Variants in SPRED1 observed in about 807,000 individuals in gnomAD.
SPRED1 encodes the protein sprouty related EVH1 domain containing 1.
Under a neutral mutation model 52.3 loss-of-function variants are expected in SPRED1, and 18 were observed. The observed-to-expected ratio is 0.34, with a 90% CI of 0.24 to 0.51. The LOEUF (loss-of-function observed/expected upper bound fraction) is 0.51, where lower values mean the gene tolerates loss of function less well. SPRED1 is among the 20% of genes least tolerant of loss of function. SPRED1 has a pLI of 0.97. For missense variants in SPRED1, 485 were observed against 551.0 expected, an observed-to-expected ratio of 0.88 and a Z score of 1.20; for synonymous variants, 155 against 179.7, an observed-to-expected ratio of 0.86 and a Z score of 1.10.
chr15:38,322,009 G>A (rs907313173), intron 2 of SPRED1, among the ~76,000 whole-genome samples: 2 of 152,146 alleles, frequency 1.3e-5, no homozygotes, highest in Admixed American at 6.5e-5. Flanking sequence ...GTGTATATAT[G>A]TGTGTATTCT....
At chr15:38,324,092 T>C (rs1469633330) in intron 3 of SPRED1, among the ~76,000 whole-genome samples, 1 of 152,162 alleles carries the variant, frequency 6.6e-6, no homozygotes, top group Non-Finnish European at 1.5e-5. Flanking sequence ...AAAGATAAAA[T>C]ATGCTGCTCT....
intron 1 of SPRED1, among the ~76,000 whole-genome samples, chr15:38,266,355 T>G (rs964777741): frequency 6.6e-6 from 1 of 152,120 alleles, no homozygotes; most frequent in Non-Finnish European, 1.5e-5. Flanking sequence ...TGTATCAAAT[T>G]AGGGCCAGGC....
intron 4 of SPRED1, among the ~76,000 whole-genome samples, chr15:38,328,531 A>G (rs543295292): frequency 1.9e-4 from 29 of 152,318 alleles, no homozygotes; most frequent in African/African-American, 5.3e-4. Flanking sequence ...TTAAAATCCT[A>G]TCTTTCTTAT....
intron 1 of SPRED1, chr15:38,283,392 C>T (rs570647429): frequency 5.0e-6 from 2 of 400,240 alleles, no homozygotes; most frequent in African/African-American, 2.2e-5. Context: ...AGAGCCAGAC[C>T]ATGTCTTGAG....
chr15:38,253,330 C>T (rs1894022836), intron 1 of SPRED1, 113 bp downstream of exon 1: 3 of 983,580 alleles, frequency 3.1e-6, no homozygotes, highest in South Asian at 1.4e-5. Flanking sequence ...CTGGAGAGTT[C>T]GGTGCATCTT....
chr15:38,303,112 A>T (rs183082021), intron 2 of SPRED1, among the ~76,000 whole-genome samples: 1 of 152,028 alleles, frequency 6.6e-6, no homozygotes, highest in African/African-American at 2.4e-5. Flanking sequence ...TGAACCCGGG[A>T]GGCGTAGGTG....
chr15:38,295,931 G>A (rs577049553), intron 1 of SPRED1, among the ~76,000 whole-genome samples: 4 of 149,312 alleles, frequency 2.7e-5, no homozygotes, highest in Admixed American at 2.0e-4. Context: ...TCTTGGTGGA[G>A]AGAAAAGGAA....
chr15:38,287,365 A>G (rs1595726672), intron 1 of SPRED1, among the ~76,000 whole-genome samples: 2 of 151,994 alleles, frequency 1.3e-5, no homozygotes, highest in Admixed American at 6.6e-5. Context: ...TTTTCATTCA[A>G]TCTGCAAAAC....
At chr15:38,334,258 A>G (rs1205017605) in intron 4 of SPRED1, among the ~76,000 whole-genome samples, 1 of 152,048 alleles carries the variant, frequency 6.6e-6, no homozygotes, top group African/African-American at 2.4e-5. Flanking sequence ...TAAAGAAGAT[A>G]AGAAAATGAA....
chr15:38,341,627 T>C (rs1036510273), intron 5 of SPRED1, among the ~76,000 whole-genome samples: 1 of 152,176 alleles, frequency 6.6e-6, no homozygotes, highest in South Asian at 2.1e-4. Context: ...TGCCCTATTT[T>C]TACCATTATC....
In SPRED1 at chr15:38,293,495, A is replaced by T. The variant is rs367910617; in HGVS notation, c.33-5878A>T. Among the ~76,000 whole-genome samples the T allele has an allele frequency of 2.0e-5, 3 of 152,160 alleles. No individual in the cohort carries two copies. The South Asian group carries it at 6.2e-4, about 31-fold the overall frequency. On this transcript the variant is annotated intron_variant, in intron 1 of 6. Coordinates refer to ENST00000299084, the MANE Select transcript of SPRED1 (RefSeq NM_152594.3). ...GTTTAATATTTGCTCTAGTTTTTAG[A>T]GTTGCCAGTGCTAAAGGAGTAATAC...
chr15:38,281,910 A>G (rs564755647), intron 1 of SPRED1, among the ~76,000 whole-genome samples: 1 of 152,286 alleles, frequency 6.6e-6, no homozygotes, highest in East Asian at 1.9e-4. Context: ...TGAAATTTCT[A>G]GATGTAAAGT....
At position 38,351,766 on chromosome 15, in the gene SPRED1, A is replaced by G. The variant is rs1888495332; in HGVS notation, c.*102A>G. On this transcript the variant is annotated 3_prime_UTR_variant, in exon 7 of 7. Coordinates refer to ENST00000299084, the MANE Select transcript of SPRED1 (RefSeq NM_152594.3). ...CAAGCAATATGGAATCTTGCCTGGTATCATTGAGCCCACACATGGAGGAAG... is the reference window on the plus strand; with the variant it reads ...CAAGCAATATGGAATCTTGCCTGGTGTCATTGAGCCCACACATGGAGGAAG... The G allele has an allele frequency of 5.1e-6, 7 of 1,375,754 alleles. No individual in the cohort carries two copies. Among genetic ancestry groups the G allele is most frequent in the Non-Finnish European group, 7.0e-6 (7 of 996,550 alleles). 85.2% of individuals were successfully genotyped at this position (1,375,754 alleles called of 1,614,324 possible). A position where few individuals can be genotyped will look rare whatever the true frequency, so the allele number is the denominator to read the frequency against.
intron 2 of SPRED1, among the ~76,000 whole-genome samples, chr15:38,300,873 G>A (rs1363205375): frequency 6.6e-6 from 1 of 152,042 alleles, no homozygotes; most frequent in Non-Finnish European, 1.5e-5. Context: ...CGCCTATGAT[G>A]GTATAATGCT....
intron 1 of SPRED1, among the ~76,000 whole-genome samples, chr15:38,291,863 C>T (rs185205092): frequency 1.3e-5 from 2 of 152,144 alleles, no homozygotes; most frequent in Non-Finnish European, 2.9e-5. Flanking sequence ...TTTGACGTGG[C>T]CTGGAGATGT....
intron 1 of SPRED1, among the ~76,000 whole-genome samples, chr15:38,256,825 A>G (rs1364141065): frequency 1.1e-5 from 1 of 89,088 alleles, no homozygotes; most frequent in Non-Finnish European, 2.7e-5. Flanking sequence ...ACACACACAT[A>G]TATATATATA....
intron 1 of SPRED1, among the ~76,000 whole-genome samples, chr15:38,256,787 C>T (rs1374713915): frequency 6.6e-6 from 1 of 151,656 alleles, no homozygotes; most frequent in African/African-American, 2.4e-5. Context: ...TCACCCCATA[C>T]ATTTTACGTA....
At chr15:38,304,898 T>G (rs142341808) in intron 2 of SPRED1, among the ~76,000 whole-genome samples, 109 of 152,326 alleles carry the variant, frequency 7.2e-4, no homozygotes, top group African/African-American at 2.5e-3. Context: ...CTTTTTTAAT[T>G]TAATCTAAAT....
intron 4 of SPRED1, among the ~76,000 whole-genome samples, chr15:38,336,333 T>TA (rs1895913888): frequency 6.7e-6 from 1 of 149,942 alleles, no homozygotes; most frequent in South Asian, 2.1e-4. Context: ...ATTACAAAAA[T>TA]ATGGAACCAG....
Sources: gnomAD v4.1 joint callset for allele counts (sites outside exome capture counted in the v4.1 genomes callset) on GRCh38, gnomAD v4.1.1 for gene constraint, MANE v1.5 for transcripts, NCBI Gene and HGNC (gene_info 2026-07-23, HGNC 2026-07-21) for gene names.